Variants in PARP12 observed in about 807,000 individuals in gnomAD.
PARP12 encodes the protein poly(ADP-ribose) polymerase family member 12.
In PARP12, 59 loss-of-function variants were observed where a neutral mutation model predicts 72.4. The observed-to-expected ratio is 0.81, with a 90% confidence interval of 0.66 to 1.01. The LOEUF is 1.01. Ranked by LOEUF, PARP12 falls within the 50% of genes least tolerant of loss-of-function variation. The pLI is 0.00. For missense variants in PARP12, 851 were observed against 914.0 expected (o/e 0.93, Z 0.89); for synonymous variants, 403 against 371.4 (o/e 1.09, Z -0.98).
In PARP12 at chr7:140,024,767, G is replaced by A. The variant is rs780119328; in HGVS notation, c.1899C>T (p.Ser633=). 1.2e-6 allele frequency: 2 copies of A among 1,614,198 alleles called. No individual in the cohort carries two copies. Among genetic ancestry groups the A allele is most frequent in the East Asian group, 4.5e-5 (2 of 44,872 alleles). The stretch of plus-strand genomic sequence containing the variant: ...CCTCCTTGGCCGGCGGACGGACAAA[G>A]GAGGCATTGCCCCTGACGAACTCGC... ...LVGEFVRGNA[S]FVRPPAKEGW... is the part of the protein sequence containing the mutation. The change falls in exon 12 of 12, where the codon TCC becomes TCT. Residue 633 remains serine, a synonymous_variant. Transcript: ENST00000263549.
chr7:140,025,311 T>C (rs546704591), intron 11 of PARP12: 1 of 294,834 alleles, frequency 3.4e-6, no homozygotes, highest in East Asian at 8.3e-5. Context: ...GCCCAATGTA[T>C]AGAATTATGA....
At chr7:140,025,204 C>T (rs1815685270) in intron 11 of PARP12, 1 of 355,164 alleles carries the variant, frequency 2.8e-6, no homozygotes, top group South Asian at 2.9e-5. Context: ...CCTCAGATTC[C>T]TCAGGCATAA....
In PARP12 at chr7:140,055,629, G is replaced by A. The variant is rs139595830; in HGVS notation, c.761-866C>T. 6.5e-3 allele frequency among the ~76,000 whole-genome samples: 997 copies of A among 152,300 alleles called. 5 individuals are homozygous for A. Among genetic ancestry groups the A allele is most frequent in the African/African-American group, 0.023 (948 of 41,554 alleles). On this transcript the variant is annotated intron_variant, in intron 3 of 11. Coordinates refer to ENST00000263549, the MANE Select transcript of PARP12 (RefSeq NM_022750.4). Reference sequence around the variant, plus strand: ...GTCATCTCCCTCTCTCCCGACGATGGTGACTGCTCTTGCAGCTGACATCAC... The same window carrying A: ...GTCATCTCCCTCTCTCCCGACGATGATGACTGCTCTTGCAGCTGACATCAC...
chr7:140,058,559 G>A (rs1009487417), intron 1 of PARP12, among the ~76,000 whole-genome samples: 2 of 151,868 alleles, frequency 1.3e-5, no homozygotes, highest in African/African-American at 2.4e-5. Context: ...ACCATGCGAG[G>A]ACATGGTGAG....
At chr7:140,034,146 G>T in intron 8 of PARP12, 89 bp downstream of exon 8, 1 of 1,511,838 alleles carries the variant, frequency 6.6e-7, no homozygotes, top group Non-Finnish European at 8.9e-7. Context: ...CGGTGCCCGG[G>T]TGCTGTCTGA....
In PARP12 at chr7:140,028,291, G is replaced by C. The variant is rs182904913; in HGVS notation, c.1497+322C>G. On this transcript the variant is annotated intron_variant, in intron 9 of 11. Coordinates refer to ENST00000263549, the MANE Select transcript of PARP12 (RefSeq NM_022750.4). ...TCCCCAGGCTGCTTCTCCTTTTCTCGCTTAATAAAATTGGTATTTATTGGT... is the reference window on the plus strand; with the variant it reads ...TCCCCAGGCTGCTTCTCCTTTTCTCCCTTAATAAAATTGGTATTTATTGGT... Among the ~76,000 whole-genome samples the C allele has an allele frequency of 3.9e-5, 6 of 152,040 alleles. No homozygotes were observed. The East Asian group carries it at 1.2e-3, about 29-fold the overall frequency.
At chr7:140,038,815 A>G (rs1202532989) in intron 6 of PARP12, among the ~76,000 whole-genome samples, 4 of 152,194 alleles carry the variant, frequency 2.6e-5, no homozygotes, top group African/African-American at 9.7e-5. Flanking sequence ...CAAAAGTGAG[A>G]CAAGACAAGA....
chr7:140,061,012 G>A (rs1042877910), intron 1 of PARP12, among the ~76,000 whole-genome samples: 4 of 152,144 alleles, frequency 2.6e-5, no homozygotes, highest in African/African-American at 7.2e-5. Context: ...CCAGGCCACC[G>A]CAGGAACAGA....
chr7:140,057,835 C>A, intron 2 of PARP12, 64 bp downstream of exon 2: 1 of 1,593,742 alleles, frequency 6.3e-7, no homozygotes, highest in Non-Finnish European at 8.6e-7. Context: ...CCAGTCATTA[C>A]ATTTCCCAAG....
chr7:140,041,139 T>C (rs548028368), intron 6 of PARP12, among the ~76,000 whole-genome samples: 1 of 152,364 alleles, frequency 6.6e-6, no homozygotes, highest in East Asian at 1.9e-4. Flanking sequence ...CTGCGAAGAA[T>C]TGACAGCAAC....
chr7:140,025,263 G>C, intron 11 of PARP12: 1 of 301,110 alleles, frequency 3.3e-6, no homozygotes, highest in Non-Finnish European at 6.5e-6. Context: ...GAAAATGAAT[G>C]AGATCCCATA....
At chr7:140,058,275 G>C (rs1817273980) in intron 1 of PARP12, among the ~76,000 whole-genome samples, 1 of 152,174 alleles carries the variant, frequency 6.6e-6, no homozygotes, top group Admixed American at 6.5e-5. Context: ...ACTTTGGGAG[G>C]CCGAGGCAGG....
At chr7:140,038,417 G>T in intron 6 of PARP12, 1 of 614,534 alleles carries the variant, frequency 1.6e-6, no homozygotes, top group Non-Finnish European at 2.0e-6. Flanking sequence ...TTGAATTCTG[G>T]CTCCCAAACC....
Position 140,041,834 on chromosome 7 carries a change from A to G in PARP12, c.992T>C (p.Leu331Pro), listed in dbSNP as rs922133252. ...AYCNPKIERI[L>P]CSESASTFHS... ...AAAGGTACTGGCTGACTCAGAGCAC[A>G]GGATCCTACAGAAGAAAAACAGCAG... Residue 331 changes from leucine (L) to proline (P), a missense_variant, in exon 6 of 12, where the codon CTG becomes CCG. Leu to Pro is a moderately conservative substitution (Grantham distance 98). Transcript: ENST00000263549. 2 of 1,610,458 alleles carry G rather than the reference A, an allele frequency of 1.2e-6. No individual in the cohort carries two copies. Among genetic ancestry groups the G allele is most frequent in the Non-Finnish European group, 1.7e-6 (2 of 1,177,738 alleles).
intron 8 of PARP12, chr7:140,029,232 T>C (rs2116519593): frequency 6.6e-6 from 1 of 152,476 alleles, no homozygotes; most frequent in Middle Eastern, 3.4e-3. Context: ...AAACTGACTA[T>C]GCATATTGTT....
At chr7:140,030,925 G>A (rs1395098892) in intron 8 of PARP12, among the ~76,000 whole-genome samples, 1 of 152,164 alleles carries the variant, frequency 6.6e-6, no homozygotes. Flanking sequence ...AATCTGAAAG[G>A]ACAAAGTGGT....
At chr7:140,026,048 T>G (rs1361747774) in intron 11 of PARP12, 149 bp downstream of exon 11, 7 of 1,204,752 alleles carry the variant, frequency 5.8e-6, no homozygotes, top group Admixed American at 2.0e-5. Context: ...AGCAAGGATG[T>G]GACTGGTAGC....
intron 8 of PARP12, chr7:140,033,270 G>C: frequency 1.0e-6 from 1 of 985,410 alleles, no homozygotes; most frequent in Non-Finnish European, 1.2e-6. Flanking sequence ...TGACTCACAA[G>C]GCAGTTTCGT....
In PARP12 at chr7:140,058,035, C is replaced by CT; in HGVS notation, c.327-2dup. 6.2e-7 allele frequency: 1 copy of CT among 1,614,210 alleles called. No individual in the cohort carries two copies. Among genetic ancestry groups the CT allele is most frequent in the Non-Finnish European group, 8.5e-7 (1 of 1,180,024 alleles). On this transcript the variant is annotated splice_acceptor_variant, in intron 1 of 11. Transcript: ENST00000263549. LOFTEE classifies it high-confidence loss of function. ...GCTGTGACTATTCCTACAGTTCTTC[C>CT]TGCAAAGAAGCAGAGCTGGTGTTAT...
Sources: allele counts gnomAD v4.1 joint callset (sites outside exome capture counted in the v4.1 genomes callset), GRCh38; gene constraint gnomAD v4.1.1; transcripts MANE v1.5; gene names NCBI Gene and HGNC (gene_info 2026-07-23, HGNC 2026-07-21).